MMP16: variants seen among roughly 807,000 people sequenced by gnomAD.
The protein encoded by MMP16 is matrix metalloproteinase-16.
MMP16 carries 12 observed loss-of-function variants against 67.8 expected under a neutral mutation model. That is an observed-to-expected ratio of 0.18 (90% CI 0.11 to 0.29). The LOEUF (loss-of-function observed/expected upper bound fraction) is 0.29. Among genes scored for constraint, MMP16 ranks in the 10% least tolerant of loss-of-function variants. The pLI is 1.00. For synonymous variants in MMP16, 249 were observed against 255.9 expected, an observed-to-expected ratio of 0.97 and a Z score of 0.26; for missense variants, 475 against 765.7, an observed-to-expected ratio of 0.62 and a Z score of 4.48.
chr8:88,112,722 C>T (rs1477993127), intron 6 of MMP16, among the ~76,000 whole-genome samples: 2 of 127,396 alleles, frequency 1.6e-5, no homozygotes, highest in Non-Finnish European at 3.5e-5. Context: ...TATCCCACCT[C>T]CTACAGAAAC....
intron 4 of MMP16, among the ~76,000 whole-genome samples, chr8:88,131,780 T>A (rs2118475090): frequency 6.6e-6 from 1 of 151,958 alleles, no homozygotes; most frequent in South Asian, 2.1e-4. Flanking sequence ...CCATAATAAT[T>A]TTTACCCCTC....
rs528149019 is a variant in MMP16, at chr8:88,301,987, C to T, written c.132+25088G>A. Among the ~76,000 whole-genome samples, 9 of 152,222 alleles carry T rather than the reference C, an allele frequency of 5.9e-5. No individual in the cohort carries two copies. The East Asian group carries it at 1.5e-3, about 26-fold the overall frequency. On this transcript the variant is annotated intron_variant, in intron 1 of 9. Coordinates refer to ENST00000286614, the MANE Select transcript of MMP16 (RefSeq NM_005941.5). ...TCAGTGATACTTTCTGAAATCTGAC[C>T]ATTATTATGATGCCAGAATGCCTGC...
At chr8:88,214,603 G>A (rs1184072949) in intron 1 of MMP16, among the ~76,000 whole-genome samples, 2 of 151,986 alleles carry the variant, frequency 1.3e-5, no homozygotes, top group Admixed American at 6.6e-5. Context: ...TAATTAATAT[G>A]TACATTATCT....
intron 4 of MMP16, among the ~76,000 whole-genome samples, chr8:88,149,419 A>G (rs1410363954): frequency 1.3e-5 from 2 of 152,124 alleles, no homozygotes; most frequent in African/African-American, 2.4e-5. Flanking sequence ...GGCACAGACA[A>G]ACAAAAAGAC....
chr8:88,096,845 C>A (rs530548222), intron 6 of MMP16, among the ~76,000 whole-genome samples: 1 of 151,970 alleles, frequency 6.6e-6, no homozygotes, highest in African/African-American at 2.4e-5. Flanking sequence ...TGATTGGAAA[C>A]GCGAGAAAAC....
chr8:88,269,022 C>A (rs910167462), intron 1 of MMP16, among the ~76,000 whole-genome samples: 8 of 152,048 alleles, frequency 5.3e-5, no homozygotes, highest in Non-Finnish European at 1.0e-4. Context: ...AAGCAGCAAT[C>A]CAGACTGAAG....
intron 4 of MMP16, among the ~76,000 whole-genome samples, chr8:88,139,237 T>C (rs572370189): frequency 6.6e-6 from 1 of 152,218 alleles, no homozygotes; most frequent in South Asian, 2.1e-4. Context: ...GCTTTGCAAA[T>C]TTACCTCAGC....
intron 1 of MMP16, among the ~76,000 whole-genome samples, chr8:88,274,867 C>T (rs1810620351): frequency 6.6e-6 from 1 of 151,828 alleles, no homozygotes; most frequent in South Asian, 2.1e-4. Context: ...CCTAAACAAA[C>T]CTGAAAAAGA....
At chr8:88,153,507 C>T (rs1808449110) in intron 4 of MMP16, among the ~76,000 whole-genome samples, 1 of 152,042 alleles carries the variant, frequency 6.6e-6, no homozygotes. Flanking sequence ...GGTACTGGTA[C>T]CAAAACAGAG....
intron 1 of MMP16, among the ~76,000 whole-genome samples, chr8:88,287,690 C>T (rs1437092211): frequency 6.6e-6 from 1 of 152,126 alleles, no homozygotes; most frequent in South Asian, 2.1e-4. Flanking sequence ...AAAACTTATT[C>T]TTTCAACAAA....
intron 6 of MMP16, among the ~76,000 whole-genome samples, chr8:88,084,350 A>C (rs2118319644): frequency 6.6e-6 from 1 of 152,110 alleles, no homozygotes; most frequent in East Asian, 1.9e-4. Context: ...CTTCAGACTT[A>C]ACTTCTTCAC....
At chr8:88,136,657 G>T (rs1808123881) in intron 4 of MMP16, among the ~76,000 whole-genome samples, 1 of 150,854 alleles carries the variant, frequency 6.6e-6, no homozygotes, top group African/African-American at 2.4e-5. Context: ...TATATTAAAT[G>T]AATTAAATTC....
intron 7 of MMP16, among the ~76,000 whole-genome samples, chr8:88,073,527 G>A (rs1440658621): frequency 2.0e-5 from 3 of 152,114 alleles, no homozygotes; most frequent in Non-Finnish European, 4.4e-5. Context: ...TGGCAACATG[G>A]CCATAAAATT....
intron 4 of MMP16, among the ~76,000 whole-genome samples, chr8:88,130,886 G>C (rs1047690567): frequency 6.6e-6 from 1 of 151,502 alleles, no homozygotes; most frequent in African/African-American, 2.4e-5. Flanking sequence ...TGTAGTCTTG[G>C]AAATTTCTTC....
intron 2 of MMP16, among the ~76,000 whole-genome samples, chr8:88,194,302 G>A (rs1193858023): frequency 6.6e-6 from 1 of 151,818 alleles, no homozygotes; most frequent in East Asian, 1.9e-4. Flanking sequence ...TCATAGCATC[G>A]AAAATGGTTA....
intron 8 of MMP16, among the ~76,000 whole-genome samples, chr8:88,050,501 G>C (rs1246453563): frequency 6.6e-6 from 1 of 152,126 alleles, no homozygotes; most frequent in Non-Finnish European, 1.5e-5. Context: ...TAGCTATAAA[G>C]TAAATTTATA....
At chr8:88,186,319 T>C in intron 3 of MMP16, 157 bp downstream of exon 3, 1 of 911,368 alleles carries the variant, frequency 1.1e-6, no homozygotes, top group Middle Eastern at 2.6e-4. Flanking sequence ...AATGAACAAT[T>C]TACTCTCCTC....
At chr8:88,272,929 T>C (rs942638772) in intron 1 of MMP16, among the ~76,000 whole-genome samples, 1 of 152,130 alleles carries the variant, frequency 6.6e-6, no homozygotes, top group Non-Finnish European at 1.5e-5. Context: ...TCTGTCATTT[T>C]AGCCAAATCA....
intron 1 of MMP16, among the ~76,000 whole-genome samples, chr8:88,265,920 T>TA (rs1810469910): frequency 6.6e-6 from 1 of 152,214 alleles, no homozygotes; most frequent in Non-Finnish European, 1.5e-5. Flanking sequence ...AATGGCCTAG[T>TA]AATCAGGGCA....
Sources: gnomAD v4.1 joint callset for allele counts (sites outside exome capture counted in the v4.1 genomes callset) on GRCh38, gnomAD v4.1.1 for gene constraint, MANE v1.5 for transcripts, NCBI Gene and HGNC (gene_info 2026-07-23, HGNC 2026-07-21) for gene names.